The following DSE variants were observed in gnomAD, a reference collection of about 807,000 sequenced individuals.
DSE encodes dermatan-sulfate epimerase.
A neutral mutation model predicts 84.4 loss-of-function variants in DSE; 36 were observed. The observed-to-expected ratio is 0.43, with a 90% CI of 0.33 to 0.56. The LOEUF (loss-of-function observed/expected upper bound fraction) is 0.56. Ranked by LOEUF, DSE falls within the 20% of genes least tolerant of loss-of-function variation. The probability of loss-of-function intolerance (pLI) is 0.06; values close to 1 mark genes in which losing one functional copy is unlikely to be tolerated. For missense variants in DSE, 862 were observed against 1,169.6 expected, an observed-to-expected ratio of 0.74 and a Z score of 3.84; for synonymous variants, 410 against 430.1, an observed-to-expected ratio of 0.95 and a Z score of 0.58.
chr6:116,404,127 C>T (rs1174678911), intron 2 of DSE, among the ~76,000 whole-genome samples: 1 of 152,158 alleles, frequency 6.6e-6, no homozygotes, highest in Admixed American at 6.5e-5. Flanking sequence ...GAATCTTAGC[C>T]AAGCTCTTGG....
At chr6:116,370,818 C>T, upstream of DSE, 7 of 985,418 alleles carry the variant, frequency 7.1e-6, no homozygotes, top group Non-Finnish European at 8.4e-6. Context: ...TCCCTCTCCT[C>T]ATCCTCGTCT....
At chr6:116,365,475 G>A (rs980957118), upstream of DSE, among the ~76,000 whole-genome samples, 2 of 151,504 alleles carry the variant, frequency 1.3e-5, no homozygotes, top group African/African-American at 2.4e-5. Context: ...GGATGGTCTC[G>A]ATCTCCTGAC....
intron 1 of DSE, among the ~76,000 whole-genome samples, chr6:116,398,594 C>T (rs751071859): frequency 3.3e-5 from 5 of 152,194 alleles, no homozygotes; most frequent in Admixed American, 2.6e-4. Flanking sequence ...AATACACGGG[C>T]TTGGCAGATG....
At position 116,436,896 on chromosome 6, in the gene DSE, C is replaced by G. The variant is rs199731077; in HGVS notation, c.2428C>G (p.Arg810Gly). 387 of 1,614,004 alleles carry G rather than the reference C, an allele frequency of 2.4e-4. 10 individuals are homozygous for G. The South Asian group carries it at 4.1e-3, about 17-fold the overall frequency. Residue 810 changes from arginine (R) to glycine (G), a missense_variant, in exon 6 of 6, where the codon CGA becomes GGA. Physicochemically the swap from Arg to Gly is moderately radical, Grantham distance 125 (BLOSUM62 -2). Transcript: ENST00000644252. ...GCAGCAAAGCAAGTCAAAGAAAAACCGAAGGGCAGGCAAACGCTATAAATT... is the reference window on the plus strand; with the variant it reads ...GCAGCAAAGCAAGTCAAAGAAAAACGGAAGGGCAGGCAAACGCTATAAATT... ...QQQQSKSKKN[R>G]RAGKRYKFVD...
At chr6:116,280,969 A>G (rs2351140) in intron 2 of DSE, among the ~76,000 whole-genome samples, 36,705 of 152,236 alleles carry the variant, frequency 0.24, 5,562 homozygotes, top group East Asian at 0.64. Flanking sequence ...GCCCTCAAAG[A>G]TGTACCTGTC....
intron 2 of DSE, among the ~76,000 whole-genome samples, chr6:116,297,319 A>ACCAT (rs1422979357): frequency 1.3e-5 from 2 of 152,036 alleles, no homozygotes; most frequent in Non-Finnish European, 2.9e-5. Context: ...CATGTTCTAC[A>ACCAT]CCATCTCTCA....
chr6:116,363,234 AAT>A (rs1328615371), intron 2 of DSE, among the ~76,000 whole-genome samples: 3 of 151,908 alleles, frequency 2.0e-5, no homozygotes, highest in Non-Finnish European at 2.9e-5. Flanking sequence ...GAGATATTTA[AAT>A]ATATATATAC....
At chr6:116,268,770 C>G (rs1025310077) in intron 2 of DSE, among the ~76,000 whole-genome samples, 2 of 152,114 alleles carry the variant, frequency 1.3e-5, no homozygotes, top group Non-Finnish European at 2.9e-5. Context: ...AGGAAGTAGT[C>G]TTTAGGATGA....
At chr6:116,329,834 C>G (rs982196418) in intron 2 of DSE, among the ~76,000 whole-genome samples, 2 of 152,012 alleles carry the variant, frequency 1.3e-5, no homozygotes, top group Non-Finnish European at 2.9e-5. Context: ...TTTTTCTTTT[C>G]TTTTCTTTGA....
upstream of DSE, chr6:116,369,927 G>A (rs1779405827): frequency 7.8e-7 from 1 of 1,289,156 alleles, no homozygotes. Context: ...CTAATGAATG[G>A]GTAAGTATCC....
intron 2 of DSE, among the ~76,000 whole-genome samples, chr6:116,323,612 T>C: frequency 6.6e-6 from 1 of 152,210 alleles, no homozygotes; most frequent in South Asian, 2.1e-4. Flanking sequence ...GTTCTAAGGG[T>C]AATGGAATTT....
chr6:116,418,460 G>T (rs1782857779), intron 2 of DSE, among the ~76,000 whole-genome samples: 1 of 152,176 alleles, frequency 6.6e-6, no homozygotes, highest in Admixed American at 6.6e-5. Flanking sequence ...TAGGTGTGCA[G>T]GCTCATCAGG....
chr6:116,366,864 G>C (rs185968653), upstream of DSE: 1 of 152,244 alleles, frequency 6.6e-6, no homozygotes, highest in Admixed American at 6.5e-5. Flanking sequence ...GACACGTATG[G>C]ACGTGCCTGG....
intron 2 of DSE, among the ~76,000 whole-genome samples, chr6:116,402,326 A>G (rs1389288672): frequency 6.6e-6 from 1 of 152,162 alleles, no homozygotes. Flanking sequence ...CTGGAGTCAC[A>G]CTGCCTTTGA....
intron 2 of DSE, among the ~76,000 whole-genome samples, chr6:116,348,251 C>T: frequency 6.6e-6 from 1 of 152,154 alleles, no homozygotes. Context: ...CACGGTGAAA[C>T]CCCGTGTCTA....
intron 2 of DSE, among the ~76,000 whole-genome samples, chr6:116,267,937 G>A (rs1321470023): frequency 1.3e-5 from 2 of 152,064 alleles, no homozygotes; most frequent in African/African-American, 2.4e-5. Context: ...AGAACAGTAA[G>A]GAGGAAGTCT....
At chr6:116,400,320 AG>A (rs1781514118) in intron 2 of DSE, 1 of 152,214 alleles carries the variant, frequency 6.6e-6, no homozygotes, top group South Asian at 2.1e-4. Context: ...GCTTCCAAAC[AG>A]ATATGGGATG....
chr6:116,370,454 T>TA (rs1272432054), upstream of DSE: 1 of 987,466 alleles, frequency 1.0e-6, no homozygotes, highest in East Asian at 1.1e-4. Flanking sequence ...AAAGAGGCAG[T>TA]AACTATTCGG....
chr6:116,254,218 T>A (rs1772047532), exon 1 of DSE: 2 of 713,464 alleles, frequency 2.8e-6, no homozygotes, highest in Non-Finnish European at 5.0e-6. Context: ...TCCTTTGTCT[T>A]CTTGTCACAA....
Sources: gnomAD v4.1 joint callset for allele counts (sites outside exome capture counted in the v4.1 genomes callset) on GRCh38, gnomAD v4.1.1 for gene constraint, MANE v1.5 for transcripts, NCBI Gene and HGNC (gene_info 2026-07-23, HGNC 2026-07-21) for gene names.